The following PAK3 variants were observed in gnomAD, a reference collection of about 807,000 sequenced individuals.
PAK3 encodes the protein serine/threonine-protein kinase PAK 3.
A neutral mutation model predicts 41.0 loss-of-function variants in PAK3; 4 were observed. The observed-to-expected ratio is 0.10, with a 90% CI of 0.05 to 0.22. The LOEUF (loss-of-function observed/expected upper bound fraction) is 0.22, where lower values mean the gene tolerates loss of function less well. Among genes scored for constraint, PAK3 ranks in the 10% least tolerant of loss-of-function variants. PAK3 has a pLI of 1.00. For missense variants in PAK3, 205 were observed against 409.9 expected, an observed-to-expected ratio of 0.50 and a Z score of 4.32; for synonymous variants, 146 against 139.6, an observed-to-expected ratio of 1.05 and a Z score of -0.32.
At chrX:111,050,446 T>C (rs991603556) in intron 1 of PAK3, among the ~76,000 whole-genome samples, 4 of 112,596 alleles carry the variant, frequency 3.6e-5, no homozygotes, top group East Asian at 2.8e-4. Context: ...CCAGAAGCGA[T>C]GCTGTCAGCA....
In PAK3 at chrX:111,038,365, G is replaced by C. The variant is rs1237215067; in HGVS notation, c.-27-84712G>C. 8.0e-5 allele frequency among the ~76,000 whole-genome samples: 9 copies of C among 112,019 alleles called. No homozygotes were observed. In the Admixed American group the frequency reaches 8.5e-4, roughly 11 times the overall value. On this transcript the variant is annotated intron_variant, in intron 1 of 14. Transcript: ENST00000425146. ...TGTGGACCTGGTACTTTGACAGTAA[G>C]TGTCCTGCCATCCTCTGCTCACCTG...
intron 8 of PAK3, among the ~76,000 whole-genome samples, chrX:111,159,280 T>C (rs2094142432): frequency 9.0e-6 from 1 of 111,642 alleles, no homozygotes; most frequent in Admixed American, 9.6e-5. Flanking sequence ...CATAAGAGAC[T>C]AGTTAAGTTG....
At chrX:111,171,156 G>A (rs1328909350) in intron 10 of PAK3, among the ~76,000 whole-genome samples, 1 of 111,050 alleles carries the variant, frequency 9.0e-6, no homozygotes, top group African/African-American at 3.3e-5. Context: ...TTGAAAGCCC[G>A]AACAATAGCA....
At chrX:110,952,277 C>G in intron 1 of PAK3, among the ~76,000 whole-genome samples, 1 of 111,509 alleles carries the variant, frequency 9.0e-6, no homozygotes, top group South Asian at 3.8e-4. Context: ...ATGTAGCTTA[C>G]GAATATCTTT....
At chrX:111,009,690 T>A (rs1432327069) in intron 1 of PAK3, among the ~76,000 whole-genome samples, 1 of 112,524 alleles carries the variant, frequency 8.9e-6, no homozygotes, top group Non-Finnish European at 1.9e-5. Flanking sequence ...TGCTTTATAT[T>A]TGTACCTATC....
At chrX:111,081,541 G>C (rs2092835116) in intron 1 of PAK3, among the ~76,000 whole-genome samples, 1 of 110,053 alleles carries the variant, frequency 9.1e-6, no homozygotes, top group African/African-American at 3.3e-5. Flanking sequence ...ATTAGAAATG[G>C]AGCCTGAAAA....
intron 1 of PAK3, among the ~76,000 whole-genome samples, chrX:111,057,871 T>C (rs771972747): frequency 8.9e-6 from 1 of 112,044 alleles, no homozygotes; most frequent in Non-Finnish European, 1.9e-5. Context: ...ACCACTAATT[T>C]ACTTTCTGCC....
intron 1 of PAK3, among the ~76,000 whole-genome samples, chrX:110,979,482 A>G (rs1281668456): frequency 1.8e-5 from 2 of 109,179 alleles, no homozygotes; most frequent in Non-Finnish European, 3.8e-5. Flanking sequence ...TATTTTCAGT[A>G]GAGACGGGGT....
intron 1 of PAK3, among the ~76,000 whole-genome samples, chrX:111,049,187 T>C (rs2092531055): frequency 8.9e-6 from 1 of 112,304 alleles, no homozygotes; most frequent in Non-Finnish European, 1.9e-5. Flanking sequence ...GGTCTCAGCA[T>C]AGATGTCACT....
At chrX:111,174,458 G>A (rs1038792452) in intron 11 of PAK3, among the ~76,000 whole-genome samples, 2 of 111,231 alleles carry the variant, frequency 1.8e-5, no homozygotes, top group East Asian at 5.7e-4. Context: ...TTTCCAGGGG[G>A]CTAAAATATA....
At chrX:111,056,314 ACT>A (rs2092604429) in intron 1 of PAK3, among the ~76,000 whole-genome samples, 1 of 111,415 alleles carries the variant, frequency 9.0e-6, no homozygotes, top group Non-Finnish European at 1.9e-5. Flanking sequence ...ACCAGAGGAG[ACT>A]CTGGGTAAAA....
intron 3 of PAK3, among the ~76,000 whole-genome samples, chrX:111,100,329 A>T (rs1469848557): frequency 9.0e-6 from 1 of 111,349 alleles, no homozygotes; most frequent in Non-Finnish European, 1.9e-5. Context: ...TCAGCACCCT[A>T]AAAGAAACAC....
At chrX:111,069,891 T>G (rs1603096407) in intron 1 of PAK3, among the ~76,000 whole-genome samples, 1 of 111,943 alleles carries the variant, frequency 8.9e-6, no homozygotes, top group East Asian at 2.8e-4. Context: ...TGGGGTCTTT[T>G]GCAGACTGAG....
At chrX:110,973,931 A>C (rs1233164256) in intron 1 of PAK3, among the ~76,000 whole-genome samples, 1 of 112,065 alleles carries the variant, frequency 8.9e-6, no homozygotes, top group Non-Finnish European at 1.9e-5. Context: ...CTGATAAACC[A>C]GATTTTAAAC....
At chrX:111,011,971 G>C (rs2092017470) in intron 1 of PAK3, among the ~76,000 whole-genome samples, 1 of 112,028 alleles carries the variant, frequency 8.9e-6, no homozygotes. Context: ...TTATTAAACT[G>C]TACATCTATC....
chrX:111,146,570 G>A lies in PAK3; in HGVS notation c.277-1167G>A. The A allele has an allele frequency of 9.1e-7, 1 of 1,093,932 alleles. No homozygotes were observed. The highest frequency in any genetic ancestry group is 1.2e-6 in the Non-Finnish European group (1 of 804,936). 90.2% of individuals were successfully genotyped at this position (1,093,932 alleles called of 1,213,427 possible). A position where few individuals can be genotyped will look rare whatever the true frequency, so the allele number is the denominator to read the frequency against. The stretch of plus-strand genomic sequence containing the variant: ...TGCCCAGGGAAGCTCCCAGAGGTGC[G>A]TCACAGGCCCAAAAGAAGCTTGCAT... On this transcript the variant is annotated intron_variant, in intron 6 of 17. Transcript: ENST00000372007.
At chrX:110,984,306 A>C (rs1389595871) in intron 1 of PAK3, among the ~76,000 whole-genome samples, 11 of 112,195 alleles carry the variant, frequency 9.8e-5, no homozygotes, top group Non-Finnish European at 2.1e-4. Context: ...GGCCTTGCAT[A>C]GACTCAGGAA....
In PAK3 at chrX:110,952,569, G is replaced by T. The variant is rs760916997; in HGVS notation, c.-28+7941G>T. 6.4e-5 allele frequency among the ~76,000 whole-genome samples: 7 copies of T among 109,974 alleles called. No homozygotes were observed. In the South Asian group the frequency reaches 2.8e-3, roughly 44 times the overall value. On this transcript the variant is annotated intron_variant, in intron 1 of 14. Coordinates refer to the PAK3 transcript ENST00000425146. ...TTTGATATGTTTAATAATGCCCTTT[G>T]TACTTACCCATCATTCACTTTATCT...
At chrX:111,009,398 G>A (rs1158454716) in intron 1 of PAK3, among the ~76,000 whole-genome samples, 1 of 112,045 alleles carries the variant, frequency 8.9e-6, no homozygotes, top group African/African-American at 3.2e-5. Context: ...CTGGAAGAGT[G>A]CAGAATGGGA....
Sources: allele counts gnomAD v4.1 joint callset (sites outside exome capture counted in the v4.1 genomes callset), GRCh38; gene constraint gnomAD v4.1.1; transcripts MANE v1.5; gene names NCBI Gene and HGNC (gene_info 2026-07-23, HGNC 2026-07-21).